SYNPO2L: variants seen among roughly 807,000 people sequenced by gnomAD.
The protein encoded by SYNPO2L is synaptopodin 2-like protein.
In SYNPO2L, 34 loss-of-function variants were observed where a neutral mutation model predicts 47.5. The observed-to-expected ratio is 0.72, with a 90% CI of 0.54 to 0.95. The LOEUF (loss-of-function observed/expected upper bound fraction) is 0.95, where lower values mean the gene tolerates loss of function less well. SYNPO2L is among the 40% of genes least tolerant of loss of function. The pLI is 0.00. For missense variants in SYNPO2L, 1,246 were observed against 1,282.0 expected, an observed-to-expected ratio of 0.97 and a Z score of 0.43; for synonymous variants, 536 against 524.9, an observed-to-expected ratio of 1.02 and a Z score of -0.29.
Position 73,647,388 on chromosome 10 carries a change from T to A in SYNPO2L, c.2264A>T (p.Gln755Leu). The A allele has an allele frequency of 2.5e-6, 4 of 1,613,874 alleles. No individual in the cohort carries two copies. The highest frequency in any genetic ancestry group is 3.4e-6 in the Non-Finnish European group (4 of 1,179,868). The change falls in exon 4 of 4, where the codon CAG (glutamine) becomes CTG (leucine). Residue 755 changes from glutamine to leucine, a missense_variant. Around this residue, in one of 3 missense-constraint regions of SYNPO2L, gnomAD observed 1,037 missense variants for 1,021.5 expected, o/e 1.02. Coordinates refer to ENST00000394810, the MANE Select transcript of SYNPO2L (RefSeq NM_001114133.3). The part of the protein sequence containing the change: ...SAGIPEPPRL[Q>L]GRGGELFAKR... Reference sequence around the variant, plus strand: ...AGCAAACAGCTCCCCACCCCTGCCCTGCAGCCTTGGTGGCTCAGGGATTCC... The same window carrying A: ...AGCAAACAGCTCCCCACCCCTGCCCAGCAGCCTTGGTGGCTCAGGGATTCC...
Position 73,653,197 on chromosome 10 carries a change from A to G in SYNPO2L, c.714T>C (p.Val238=), listed in dbSNP as rs1234503677. The stretch of plus-strand genomic sequence containing the variant: ...TAAGATCTTCTGCCACTGGGTGGGG[A>G]ACAGGCCCCACCATAGGGATGAGAT... ...GPHLIPMVGP[V]PHPVAEDLTT... The change falls in exon 3 of 4, where the codon GTT becomes GTC. Residue 238 remains valine (V), a synonymous_variant. Transcript: ENST00000394810. The G allele has an allele frequency of 6.8e-7, 1 of 1,471,416 alleles. No homozygotes were observed. The highest frequency in any genetic ancestry group is 2.5e-5 in the East Asian group (1 of 40,100). 91.1% of individuals were successfully genotyped at this position (1,471,416 alleles called of 1,614,324 possible). A position where few individuals can be genotyped will look rare whatever the true frequency, so the allele number is the denominator to read the frequency against.
Position 73,645,566 on chromosome 10 carries a change from A to G in SYNPO2L, c.*1152T>C. 1 of 986,236 alleles carries G rather than the reference A, an allele frequency of 1.0e-6. No homozygotes were observed. Among genetic ancestry groups the G allele is most frequent in the Non-Finnish European group, 1.2e-6 (1 of 830,590 alleles). The allele number at this position is 986,236 out of a possible 1,614,324, so 61.1% of individuals were successfully genotyped here. On this transcript the variant is annotated 3_prime_UTR_variant, in exon 4 of 4. Transcript: ENST00000394810. ...TGGGTTGCTCAGCACTGGCCTCTCAAGTTGCTAACTTTTTGAAATCCTGAG... is the reference window on the plus strand; with the variant it reads ...TGGGTTGCTCAGCACTGGCCTCTCAGGTTGCTAACTTTTTGAAATCCTGAG...
In SYNPO2L at chr10:73,647,579, C is replaced by T; in HGVS notation, c.2073G>A (p.Gly691=). Residue 691 remains glycine (G), a synonymous_variant, in exon 4 of 4, where the codon GGG becomes GGA. Transcript: ENST00000394810. ...GAGGCAGGGTCTTGTAACTCCTGGC[C>T]CCTACTGGCTGCATGAAGTTGCAGG... ...AEACNFMQPV[G]ARSYKTLPHV... The T allele has an allele frequency of 6.2e-7, 1 of 1,612,670 alleles. No homozygotes were observed. Among genetic ancestry groups the T allele is most frequent in the Admixed American group, 1.7e-5 (1 of 59,928 alleles).
chr10:73,647,571 C>T lies in SYNPO2L; in HGVS notation c.2081G>A (p.Ser694Asn). 1 of 1,611,728 alleles carries T rather than the reference C, an allele frequency of 6.2e-7. No individual in the cohort carries two copies. Among genetic ancestry groups the T allele is most frequent in the South Asian group, 1.1e-5 (1 of 90,886 alleles). The stretch of plus-strand genomic sequence containing the variant: ...TGTCACGTGAGGCAGGGTCTTGTAA[C>T]TCCTGGCCCCTACTGGCTGCATGAA... The part of the protein sequence containing the change: ...CNFMQPVGAR[S>N]YKTLPHVTPK... The change falls in exon 4 of 4, where the codon AGT (serine) becomes AAT (asparagine). Residue 694 changes from serine (S) to asparagine (N), a missense_variant. Ser to Asn is a conservative substitution (Grantham distance 46). Transcript: ENST00000394810.
At chr10:73,650,669 A>G (rs142487993) in intron 3 of SYNPO2L, 1 of 984,624 alleles carries the variant, frequency 1.0e-6, no homozygotes, top group East Asian at 1.1e-4. Flanking sequence ...TTCATAATGT[A>G]CTCACACACG....
rs1294102700 is a variant in SYNPO2L, at chr10:73,648,442, C to G, written c.1210G>C (p.Glu404Gln). The G allele has an allele frequency of 6.2e-7, 1 of 1,609,882 alleles. No individual in the cohort carries two copies. Among genetic ancestry groups the G allele is most frequent in the Admixed American group, 1.7e-5 (1 of 60,018 alleles). The stretch of plus-strand genomic sequence containing the variant: ...GCTGCTGGTTCGACCCGTGCCAGTT[C>G]CTGGGTGCTGGAGTCTGCGCGCTGG... ...QRQRADSSTQ[E>Q]LARVEPAAML... is the part of the protein sequence containing the mutation. The change falls in exon 4 of 4, where the codon GAA (glutamate) becomes CAA (glutamine). Residue 404 changes from glutamate (E) to glutamine (Q), a missense_variant. Physicochemically the swap from Glu to Gln is conservative, Grantham distance 29 (BLOSUM62 2). Transcript: ENST00000394810.
rs1179434216 is a variant in SYNPO2L at position 73,648,110 on chromosome 10, C to A, written c.1542G>T (p.Gly514=). 1.3e-6 allele frequency: 2 copies of A among 1,542,880 alleles called. No homozygotes were observed. The highest frequency in any genetic ancestry group is 2.3e-5 in the East Asian group (1 of 44,106). The change falls in exon 4 of 4, where the codon GGG becomes GGT. Residue 514 remains glycine, a synonymous_variant. Transcript: ENST00000394810. ...PAPPPFLSSQ[G]PTPLPSFTSG... ...AAGTGAAGCTGGGCAGAGGGGTGGG[C>A]CCCTGCGAAGACAAGAAGGGGGGTG... is the stretch of plus-strand genomic sequence containing the variant.
intron 3 of SYNPO2L, among the ~76,000 whole-genome samples, chr10:73,652,428 G>A (rs1334990985): frequency 2.0e-5 from 3 of 152,116 alleles, no homozygotes; most frequent in African/African-American, 7.2e-5. Context: ...CAGCACTTTG[G>A]GAGGCCGAGG....
At chr10:73,650,856 TC>T in intron 3 of SYNPO2L, 3 of 1,521,780 alleles carry the variant, frequency 2.0e-6, no homozygotes, top group Non-Finnish European at 2.7e-6. Flanking sequence ...ACTATTGACA[TC>T]TTCCCCTCCA....
rs1351596975 is a variant in SYNPO2L, at chr10:73,653,075, G to A, written c.772+64C>T. ...AAGGTAGGGAGAATGTACGGCTATA[G>A]AAGGCTGGATTTAAGGCTCAGATTG... is the stretch of plus-strand genomic sequence containing the variant. On this transcript the variant is annotated intron_variant, in intron 3 of 3. Transcript: ENST00000394810. 30 of 1,431,118 alleles carry A rather than the reference G, an allele frequency of 2.1e-5. No individual in the cohort carries two copies. In the East Asian group the frequency reaches 7.3e-4, roughly 35 times the overall value. The allele number at this position is 1,431,118 out of a possible 1,614,324, so 88.7% of individuals were successfully genotyped here.
Position 73,654,132 on chromosome 10 carries a change from T to C in SYNPO2L, c.254A>G (p.Gln85Arg). The change falls in exon 2 of 4, where the codon CAG becomes CGG. Residue 85 changes from glutamine to arginine, a missense_variant. This residue lies in a region of SYNPO2L where 148 missense variants were observed against 204.8 expected (regional missense o/e 0.72). Transcript: ENST00000394810. ...ASGNQLVLTV[Q>R]RLADEGPVQS... ...AGAAGAGGAGAGAGGTCCATACCGC[T>C]GCACAGTGAGGACAAGCTGATTTCC... 6.4e-7 allele frequency: 1 copy of C among 1,551,632 alleles called. No individual in the cohort carries two copies. The highest frequency in any genetic ancestry group is 1.2e-5 in the South Asian group (1 of 84,062).
Position 73,648,853 on chromosome 10 carries a change from C to G in SYNPO2L, c.799G>C (p.Glu267Gln), listed in dbSNP as rs2081812086. 6.5e-7 allele frequency: 1 copy of G among 1,534,012 alleles called. No homozygotes were observed. The highest frequency in any genetic ancestry group is 2.0e-5 in the Admixed American group (1 of 50,772). ...GTCTTGGCCTCTTTTATGCTCTTCT[C>G]TTGGAGGCTCTCTGCACGTTGCAGT... is the stretch of plus-strand genomic sequence containing the variant. ...AKLQRAESLQ[E>Q]KSIKEAKTKC... The change falls in exon 4 of 4, where the codon GAG (glutamate) becomes CAG (glutamine). Residue 267 changes from glutamate to glutamine, a missense_variant. Glu to Gln is a conservative substitution (Grantham distance 29). This residue lies in a region of SYNPO2L where 1,037 missense variants were observed against 1,021.5 expected (regional missense o/e 1.02). Coordinates refer to ENST00000394810, the MANE Select transcript of SYNPO2L (RefSeq NM_001114133.3).
rs2081739200 is a variant in SYNPO2L, at chr10:73,645,680, T to A, written c.*1038A>T. The A allele has an allele frequency of 5.1e-6, 5 of 985,920 alleles. No individual in the cohort carries two copies. In the South Asian group the frequency reaches 2.3e-4, roughly 46 times the overall value. The allele number at this position is 985,920 out of a possible 1,614,324, so 61.1% of individuals were successfully genotyped here. On this transcript the variant is annotated 3_prime_UTR_variant, in exon 4 of 4. Transcript: ENST00000394810. ...GGCCCTTCAGTCTTTTCATGCTCCA[T>A]AACTTTCACAAGATGCTGTACACCT... is the stretch of plus-strand genomic sequence containing the variant.
At position 73,648,340 on chromosome 10, in the gene SYNPO2L, T is replaced by C. The variant is rs762139285; in HGVS notation, c.1312A>G (p.Ser438Gly). Residue 438 changes from serine (S) to glycine (G), a missense_variant, in exon 4 of 4, where the codon AGC becomes GGC. Coordinates refer to ENST00000394810, the MANE Select transcript of SYNPO2L (RefSeq NM_001114133.3). ...APPEAAVLPP[S>G]PLPAPVASPR... is the part of the protein sequence containing the mutation. ...CTGGCTACAGGCGCCGGCAAGGGGCTGGGTGGGAGCACAGCTGCCTCTGGG... is the reference window on the plus strand; with the variant it reads ...CTGGCTACAGGCGCCGGCAAGGGGCCGGGTGGGAGCACAGCTGCCTCTGGG... 1.2e-6 allele frequency: 2 copies of C among 1,605,010 alleles called. No individual in the cohort carries two copies. The highest frequency in any genetic ancestry group is 1.7e-6 in the Non-Finnish European group (2 of 1,178,932).
At position 73,653,442 on chromosome 10, in the gene SYNPO2L, G is replaced by T; in HGVS notation, c.469C>A (p.Pro157Thr). The change falls in exon 3 of 4, where the codon CCT (proline) becomes ACT (threonine). Residue 157 changes from proline (P) to threonine (T), a missense_variant. Pro to Thr is a conservative substitution (Grantham distance 38, BLOSUM62 -1). Transcript: ENST00000394810. ...GGCCTTGTGGGGCCTCGGCGGCGAG[G>T]TCGACGGGGCTTCTCCTGGGTGGCA... Reference protein sequence around the residue: ...GPATQEKPRRPRRRGPTRPTP... With the variant: ...GPATQEKPRRTRRRGPTRPTP... 2 of 1,551,512 alleles carry T rather than the reference G, an allele frequency of 1.3e-6. No homozygotes were observed. The highest frequency in any genetic ancestry group is 1.7e-6 in the Non-Finnish European group (2 of 1,146,816).
rs750924252 is a variant in SYNPO2L at position 73,654,144 on chromosome 10, A to G, written c.242T>C (p.Val81Ala). The G allele has an allele frequency of 1.3e-6, 2 of 1,551,690 alleles. No homozygotes were observed. The highest frequency in any genetic ancestry group is 2.4e-5 in the East Asian group (1 of 40,916). Residue 81 changes from valine to alanine, a missense_variant, in exon 2 of 4, where the codon GTC becomes GCC. Transcript: ENST00000394810. ...SLIDASGNQL[V>A]LTVQRLADEG... ...AGGTCCATACCGCTGCACAGTGAGG[A>G]CAAGCTGATTTCCTGAGGCATCGAT... is the stretch of plus-strand genomic sequence containing the variant.
In SYNPO2L at chr10:73,647,269, G is replaced by C. The variant is rs746071536; in HGVS notation, c.2383C>G (p.Leu795Val). The part of the protein sequence containing the change: ...RPRSPSPTPS[L>V]PPSWKYSPNI... ...GGTGAATATTTCCAGGAAGGGGGCA[G>C]AGACGGGGTAGGAGAAGGACTTCTA... The change falls in exon 4 of 4, where the codon CTG becomes GTG. Residue 795 changes from leucine (L) to valine (V), a missense_variant. Coordinates refer to ENST00000394810, the MANE Select transcript of SYNPO2L (RefSeq NM_001114133.3). 22 of 1,613,972 alleles carry C rather than the reference G, an allele frequency of 1.4e-5. No individual in the cohort carries two copies. The highest frequency in any genetic ancestry group is 1.8e-5 in the Non-Finnish European group (21 of 1,180,010).
At position 73,645,697 on chromosome 10, in the gene SYNPO2L, T is replaced by C. The variant is rs542756076; in HGVS notation, c.*1021A>G. 2.7e-5 allele frequency: 27 copies of C among 986,050 alleles called. No individual in the cohort carries two copies. The highest frequency in any genetic ancestry group is 6.1e-5 in the Admixed American group (1 of 16,286). The allele number at this position is 986,050 out of a possible 1,614,324, so 61.1% of individuals were successfully genotyped here. ...ATGCTCCATAACTTTCACAAGATGC[T>C]GTACACCTGCTACAGACATTGGTCT... On this transcript the variant is annotated 3_prime_UTR_variant, in exon 4 of 4. Transcript: ENST00000394810.
At chr10:73,652,060 C>G (rs12766855) in intron 3 of SYNPO2L, among the ~76,000 whole-genome samples, 1 of 85,286 alleles carries the variant, frequency 1.2e-5, no homozygotes, top group Non-Finnish European at 2.0e-5. Context: ...GTGCAAGACT[C>G]TATCTCAAAA....
Sources: allele counts gnomAD v4.1 joint callset (sites outside exome capture counted in the v4.1 genomes callset), GRCh38; gene constraint gnomAD v4.1.1; regional missense constraint gnomAD v4.1.1; transcripts MANE v1.5; gene names NCBI Gene and HGNC (gene_info 2026-07-23, HGNC 2026-07-21).